Variants in PLEKHM2 observed in about 807,000 individuals in gnomAD.
PLEKHM2 encodes the protein pleckstrin homology and RUN domain containing M2.
In PLEKHM2, 77 loss-of-function variants were observed where a neutral mutation model predicts 116.3. The ratio of observed to expected loss-of-function variants is 0.66; its 90% CI spans 0.55 to 0.80. The LOEUF (loss-of-function observed/expected upper bound fraction) is 0.80, where lower values mean the gene tolerates loss of function less well. PLEKHM2 is among the 30% of genes least tolerant of loss of function. PLEKHM2 has a pLI of 0.00. For synonymous variants in PLEKHM2, 562 were observed against 571.0 expected (o/e 0.98, Z 0.22); for missense variants, 1,183 against 1,354.9 (o/e 0.87, Z 1.99).
chr1:15,722,170 G>T (rs1450093514), intron 7 of PLEKHM2, among the ~76,000 whole-genome samples: 1 of 152,210 alleles, frequency 6.6e-6, no homozygotes, highest in Non-Finnish European at 1.5e-5. Context: ...TTGAGACGGA[G>T]TCTCGCTCTG....
intron 1 of PLEKHM2, among the ~76,000 whole-genome samples, chr1:15,712,072 C>T (rs185394283): frequency 3.5e-5 from 5 of 143,626 alleles, no homozygotes; most frequent in African/African-American, 1.3e-4. Flanking sequence ...GAGCCGAGAT[C>T]ACGCCACTGC....
chr1:15,720,151 A>ATATATAT (rs1557655121), intron 6 of PLEKHM2, among the ~76,000 whole-genome samples: 1 of 137,258 alleles, frequency 7.3e-6, no homozygotes, highest in African/African-American at 2.7e-5. Context: ...TATATATATA[A>ATATATAT]AATATATATT....
chr1:15,732,883 G>A (rs1349903612), intron 19 of PLEKHM2, among the ~76,000 whole-genome samples, 155 bp downstream of exon 19: 1 of 152,232 alleles, frequency 6.6e-6, no homozygotes, highest in Non-Finnish European at 1.5e-5. Context: ...CAGCCCCGGG[G>A]GTGAGTGCCT....
intron 6 of PLEKHM2, chr1:15,720,645 C>T (rs1386139135): frequency 4.8e-6 from 1 of 210,068 alleles, no homozygotes; most frequent in Non-Finnish European, 8.3e-6. Flanking sequence ...ACCTCACCTC[C>T]AGGGAAGGGG....
rs566488451 is a variant in PLEKHM2 at position 15,686,597 on chromosome 1, C to T, written c.60+1979C>T. Among the ~76,000 whole-genome samples, 16 of 151,674 alleles carry T rather than the reference C, an allele frequency of 1.1e-4. No homozygotes were observed. In the East Asian group the frequency reaches 1.4e-3, roughly 13 times the overall value. The stretch of plus-strand genomic sequence containing the variant: ...CCAGGTTCAAGCGATTCTTCTGCCT[C>T]GGCCTCTCGAGTAGCTGGGATTACA... On this transcript the variant is annotated intron_variant, in intron 1 of 19. Coordinates refer to ENST00000375799, the MANE Select transcript of PLEKHM2 (RefSeq NM_015164.4).
intron 1 of PLEKHM2, among the ~76,000 whole-genome samples, chr1:15,699,844 G>A (rs1336992644): frequency 6.6e-6 from 1 of 151,832 alleles, no homozygotes; most frequent in Non-Finnish European, 1.5e-5. Flanking sequence ...GCTGGGCATG[G>A]TGGTGTGCGC....
chr1:15,717,815 C>T, intron 3 of PLEKHM2, 78 bp from the exon 4 acceptor site: 2 of 921,850 alleles, frequency 2.2e-6, no homozygotes, highest in East Asian at 2.6e-5. Flanking sequence ...TCTTTCTTTC[C>T]TTTCTGCGCT....
intron 8 of PLEKHM2, 44 bp from the exon 9 acceptor site, chr1:15,726,970 G>T: frequency 7.5e-7 from 1 of 1,332,292 alleles, no homozygotes; most frequent in South Asian, 1.6e-5. Context: ...CCTCAGCACT[G>T]GACTACTCAG....
chr1:15,716,938 C>A, intron 3 of PLEKHM2, 122 bp downstream of exon 3: 1 of 1,210,834 alleles, frequency 8.3e-7, no homozygotes, highest in Non-Finnish European at 1.1e-6. Flanking sequence ...TGGTGGTGTC[C>A]AGTAGCAGTG....
intron 16 of PLEKHM2, 82 bp downstream of exon 16, chr1:15,731,339 A>T: frequency 9.1e-7 from 1 of 1,102,820 alleles, no homozygotes; most frequent in Non-Finnish European, 1.4e-6. Flanking sequence ...CCCTGTTGGC[A>T]GTTCAGCCTC....
chr1:15,717,770 C>T (rs767085911), intron 3 of PLEKHM2, 123 bp from the exon 4 acceptor site: 18 of 650,630 alleles, frequency 2.8e-5, no homozygotes. Context: ...CCACCAAGCA[C>T]AAAGGCCACT....
At chr1:15,681,697 T>A (rs141085849), upstream of PLEKHM2, 19 of 428,246 alleles carry the variant, frequency 4.4e-5, no homozygotes, top group East Asian at 1.3e-3. Flanking sequence ...ACAAACACCT[T>A]TGGTAAGTAG....
At chr1:15,705,191 T>C (rs1390285811) in intron 1 of PLEKHM2, among the ~76,000 whole-genome samples, 2 of 144,232 alleles carry the variant, frequency 1.4e-5, no homozygotes, top group African/African-American at 5.2e-5. Flanking sequence ...TTTTTTTTTT[T>C]TTTTTTGAGA....
intron 1 of PLEKHM2, among the ~76,000 whole-genome samples, chr1:15,685,172 T>G (rs182644011): frequency 6.6e-6 from 1 of 152,214 alleles, no homozygotes; most frequent in African/African-American, 2.4e-5. Flanking sequence ...TATAAGAACC[T>G]GAAGTACATG....
At position 15,725,404 on chromosome 1, in the gene PLEKHM2, A is replaced by C; in HGVS notation, c.800A>C (p.Gln267Pro). The C allele has an allele frequency of 6.4e-6, 10 of 1,553,342 alleles. No homozygotes were observed. Among genetic ancestry groups the C allele is most frequent in the Non-Finnish European group, 7.0e-6 (8 of 1,148,202 alleles). ...AAGGCCTCCACCAGGAGCCCCACCC[A>C]GCGCCAGAACCCCTTCAACGAGGAG... ...SSKASTRSPT[Q>P]RQNPFNEEPA... is the part of the protein sequence containing the mutation. Residue 267 changes from glutamine (Q) to proline (P), a missense_variant, in exon 8 of 20, where the codon CAG becomes CCG. Gln to Pro is a moderately conservative substitution (Grantham distance 76). Coordinates refer to ENST00000375799, the MANE Select transcript of PLEKHM2 (RefSeq NM_015164.4).
intron 1 of PLEKHM2, 86 bp downstream of exon 1, chr1:15,684,704 C>G: frequency 2.9e-6 from 2 of 685,520 alleles, no homozygotes; most frequent in Non-Finnish European, 4.0e-6. Context: ...GCCGGGGCCC[C>G]CCGCCCTTCC....
chr1:15,704,450 G>T (rs1641181150), intron 1 of PLEKHM2, among the ~76,000 whole-genome samples: 1 of 151,946 alleles, frequency 6.6e-6, no homozygotes, highest in Non-Finnish European at 1.5e-5. Context: ...TATACCACCA[G>T]CCCTCTATTA....
chr1:15,706,428 G>C (rs886186577), intron 1 of PLEKHM2, among the ~76,000 whole-genome samples: 4 of 152,066 alleles, frequency 2.6e-5, no homozygotes, highest in African/African-American at 9.7e-5. Flanking sequence ...TTTTTGAGTT[G>C]GAGTTTTGCT....
chr1:15,727,493 C>G lies in PLEKHM2; in HGVS notation c.1421C>G (p.Thr474Ser). The G allele has an allele frequency of 1.3e-6, 2 of 1,592,770 alleles. No homozygotes were observed. Among genetic ancestry groups the G allele is most frequent in the Non-Finnish European group, 8.5e-7 (1 of 1,170,298 alleles). Residue 474 changes from threonine (T) to serine (S), a missense_variant, in exon 9 of 20, where the codon ACT becomes AGT. Around this residue, in one of 3 missense-constraint regions of PLEKHM2, gnomAD observed 372 missense variants for 357.2 expected, o/e 1.04. Coordinates refer to ENST00000375799, the MANE Select transcript of PLEKHM2 (RefSeq NM_015164.4). This position sits in a 1 kb window ranked among gnomAD's most constrained non-coding sequence, Gnocchi z 7.5. ...FYRFTVESPS[T>S]VTSGGGHHDP... Reference sequence around the variant, plus strand: ...CGCTTTACCGTCGAGAGTCCAAGCACTGTTACATCAGGTGGCGGCCACCAT... The same window carrying G: ...CGCTTTACCGTCGAGAGTCCAAGCAGTGTTACATCAGGTGGCGGCCACCAT...
Sources: gnomAD v4.1 joint callset for allele counts (sites outside exome capture counted in the v4.1 genomes callset) on GRCh38, gnomAD v4.1.1 for gene constraint, gnomAD v4.1.1 regional missense constraint, Gnocchi (gnomAD v3.1) non-coding constraint, MANE v1.5 for transcripts, NCBI Gene and HGNC (gene_info 2026-07-23, HGNC 2026-07-21) for gene names.